The following EFNA2 variants were observed in gnomAD, a reference collection of about 807,000 sequenced individuals.
EFNA2 encodes ephrin-A2.
In EFNA2, 18 loss-of-function variants were observed where a neutral mutation model predicts 19.7. The observed-to-expected ratio is 0.91, with a 90% CI of 0.63 to 1.35. EFNA2 has a LOEUF of 1.35. EFNA2 is among the 40% of genes most tolerant of loss of function. EFNA2 has a pLI of 0.00. For synonymous variants in EFNA2, 187 were observed against 137.8 expected, an observed-to-expected ratio of 1.36 and a Z score of -2.50; for missense variants, 303 against 296.0, an observed-to-expected ratio of 1.02 and a Z score of -0.17.
chr19:1,288,970 G>T (rs1455781925), intron 1 of EFNA2, among the ~76,000 whole-genome samples: 1 of 152,168 alleles, frequency 6.6e-6, no homozygotes, highest in Non-Finnish European at 1.5e-5. Context: ...CACCTGTCCT[G>T]TTGGACCTGG....
In EFNA2 at chr19:1,295,487, C is replaced by G. The variant is rs927783097; in HGVS notation, c.141-58C>G. 10 of 1,456,080 alleles carry G rather than the reference C, an allele frequency of 6.9e-6. No homozygotes were observed. The African/African-American group carries it at 1.3e-4, about 19-fold the overall frequency. 90.2% of individuals were successfully genotyped at this position (1,456,080 alleles called of 1,614,324 possible). A position where few individuals can be genotyped will look rare whatever the true frequency, so the allele number is the denominator to read the frequency against. ...TGACCCTGGCCCTCCCCGCGCACCC[C>G]GACCCGTGCCCCGTTCCTCGCTCCG... On this transcript the variant is annotated intron_variant, in intron 1 of 3. Transcript: ENST00000215368. This position sits in a 1 kb window ranked among gnomAD's most constrained non-coding sequence, Gnocchi z 5.8.
chr19:1,290,777 C>T (rs970628593), intron 1 of EFNA2, among the ~76,000 whole-genome samples: 24 of 152,276 alleles, frequency 1.6e-4, no homozygotes, highest in Middle Eastern at 3.4e-3. Flanking sequence ...GAGCTGCTCC[C>T]GTCCCTGTGC....
rs1264692069 is a variant in EFNA2 at position 1,298,589 on chromosome 19, C to T, written c.493C>T (p.Arg165Ter). Residue 165 changes from arginine (R) to a stop codon, truncating the protein, a stop_gained, in exon 3 of 4, where the codon CGA becomes TGA. Coordinates refer to ENST00000215368, the MANE Select transcript of EFNA2 (RefSeq NM_001405.4). LOFTEE classifies it high-confidence loss of function. ...PPNAVDRPCL[R>*]LKVYVRPTNE... ...CAATGCTGTGGACCGGCCCTGCCTG[C>T]GACTGAAGGTGTACGTGCGGCCGAC... 8 of 1,613,892 alleles carry T rather than the reference C, an allele frequency of 5.0e-6. No individual in the cohort carries two copies. Among genetic ancestry groups the T allele is most frequent in the South Asian group, 1.1e-5 (1 of 91,072 alleles).
In EFNA2 at chr19:1,287,315, C is replaced by T. The variant is rs985876146; in HGVS notation, c.140+1007C>T. On this transcript the variant is annotated intron_variant, in intron 1 of 3. Transcript: ENST00000215368. The surrounding 1 kb of genome is among the most constrained non-coding windows in gnomAD (Gnocchi z 6.2). ...GTCCTGGGGCTCGGGAGGGAGTCAG[C>T]CCCAGCACTCAGGGTGTCACCGTCT... Among the ~76,000 whole-genome samples, 8 of 152,106 alleles carry T rather than the reference C, an allele frequency of 5.3e-5. No homozygotes were observed. The highest frequency in any genetic ancestry group is 5.2e-4 in the Admixed American group (8 of 15,274).
In EFNA2 at chr19:1,295,436, G is replaced by A; in HGVS notation, c.141-109G>A. 1 of 1,162,300 alleles carries A rather than the reference G, an allele frequency of 8.6e-7. No homozygotes were observed. The highest frequency in any genetic ancestry group is 1.1e-6 in the Non-Finnish European group (1 of 879,316). The allele number at this position is 1,162,300 out of a possible 1,614,324, so 72.0% of individuals were successfully genotyped here. On this transcript the variant is annotated intron_variant, in intron 1 of 3. Transcript: ENST00000215368. This position sits in a 1 kb window ranked among gnomAD's most constrained non-coding sequence, Gnocchi z 5.8. ...GACCCCGGCCCTCGCCGCGCACCCCGACCCGTCCCTCGTGCTCCTGTCCCC... is the reference window on the plus strand; with the variant it reads ...GACCCCGGCCCTCGCCGCGCACCCCAACCCGTCCCTCGTGCTCCTGTCCCC...
chr19:1,295,725 C>G lies in EFNA2; in HGVS notation c.321C>G (p.Arg107=). Residue 107 remains arginine (R), a synonymous_variant, in exon 2 of 4, where the codon CGC becomes CGG. Coordinates refer to ENST00000215368, the MANE Select transcript of EFNA2 (RefSeq NM_001405.4). The surrounding 1 kb of genome is among the most constrained non-coding windows in gnomAD (Gnocchi z 5.8). ...EGHASCDHRQ[R]GFKRWECNRP... ...ACGCCTCCTGCGACCACCGCCAGCG[C>G]GGCTTCAAGCGCTGGGAGTGCAACC... 6.2e-7 allele frequency: 1 copy of G among 1,608,388 alleles called. No homozygotes were observed. The highest frequency in any genetic ancestry group is 8.5e-7 in the Non-Finnish European group (1 of 1,177,868).
In EFNA2 at chr19:1,295,841, A is replaced by G; in HGVS notation, c.437A>G (p.His146Arg). The G allele has an allele frequency of 6.2e-7, 1 of 1,604,708 alleles. No homozygotes were observed. The part of the protein sequence containing the change: ...FSLGFEFRPG[H>R]EYYYISATPP... ...CTGGGCTTCGAGTTCCGGCCCGGCC[A>G]CGAGTATTACTACATCTGTGAGTGG... The change falls in exon 2 of 4, where the codon CAC (histidine) becomes CGC (arginine). Residue 146 changes from histidine (H) to arginine (R), a missense_variant. By Grantham distance (29) the His-to-Arg change is conservative. Coordinates refer to ENST00000215368, the MANE Select transcript of EFNA2 (RefSeq NM_001405.4). This position sits in a 1 kb window ranked among gnomAD's most constrained non-coding sequence, Gnocchi z 5.8.
chr19:1,285,822 G>A (rs544722630), upstream of EFNA2, among the ~76,000 whole-genome samples: 749 of 148,154 alleles, frequency 5.1e-3, 9 homozygotes, highest in Non-Finnish European at 4.4e-3. The surrounding 1 kb of genome is among the most constrained non-coding windows in gnomAD (Gnocchi z 4.1). Flanking sequence ...GCCGGGGCAC[G>A]GCGGGAGGGG....
intron 1 of EFNA2, among the ~76,000 whole-genome samples, chr19:1,288,175 G>A (rs1238655028): frequency 6.6e-6 from 1 of 152,268 alleles, no homozygotes; most frequent in Non-Finnish European, 1.5e-5. Flanking sequence ...ACACCCTGCA[G>A]TGGGGCCCAG....
At chr19:1,290,253 C>T (rs1174991178) in intron 1 of EFNA2, among the ~76,000 whole-genome samples, 2 of 152,138 alleles carry the variant, frequency 1.3e-5, no homozygotes, top group African/African-American at 4.8e-5. Flanking sequence ...GAGGATGCTT[C>T]TGCCGAGGCA....
chr19:1,287,980 G>A lies in EFNA2; in HGVS notation c.140+1672G>A, dbSNP rs1053475841. Among the ~76,000 whole-genome samples, 1 of 152,272 alleles carries A rather than the reference G, an allele frequency of 6.6e-6. No individual in the cohort carries two copies. The highest frequency in any genetic ancestry group is 2.4e-5 in the African/African-American group (1 of 41,476). On this transcript the variant is annotated intron_variant, in intron 1 of 3. Transcript: ENST00000215368. This position sits in a 1 kb window ranked among gnomAD's most constrained non-coding sequence, Gnocchi z 6.2. ...GACCCCCGGCCAGGGGAAGGAAGTG[G>A]CCTCCCCAGTGCCTGGCTTGGCCCA...
In EFNA2 at chr19:1,299,963, G is replaced by T. The variant is rs766063913; in HGVS notation, c.*18G>T. The T allele has an allele frequency of 3.2e-6, 5 of 1,583,764 alleles. No homozygotes were observed. The highest frequency in any genetic ancestry group is 2.2e-5 in the South Asian group (2 of 89,100). On this transcript the variant is annotated 3_prime_UTR_variant, in exon 4 of 4. Coordinates refer to ENST00000215368, the MANE Select transcript of EFNA2 (RefSeq NM_001405.4). ...GTTCCTAGTCCCAGCCCCGCAGGAC[G>T]CCGACCCTGCCTGGACGGCCCCGCC...
intron 1 of EFNA2, among the ~76,000 whole-genome samples, chr19:1,291,615 C>T (rs1401232948): frequency 1.3e-5 from 2 of 152,182 alleles, no homozygotes; most frequent in African/African-American, 2.4e-5. Context: ...GAGATGCAGA[C>T]GGGTGCAGGC....
Position 1,287,128 on chromosome 19 carries a change from G to C in EFNA2, c.140+820G>C, listed in dbSNP as rs1452064781. On this transcript the variant is annotated intron_variant, in intron 1 of 3. Transcript: ENST00000215368. The surrounding 1 kb of genome is among the most constrained non-coding windows in gnomAD (Gnocchi z 6.2). ...GAACCAGGTCCGGGCCAGGCACAAC[G>C]TGGGGGACAGGAGAAGCCCCCGTTG... Among the ~76,000 whole-genome samples, 4 of 152,238 alleles carry C rather than the reference G, an allele frequency of 2.6e-5. No homozygotes were observed. Among genetic ancestry groups the C allele is most frequent in the Non-Finnish European group, 4.4e-5 (3 of 68,040 alleles).
chr19:1,290,022 G>A (rs2144614505), intron 1 of EFNA2, among the ~76,000 whole-genome samples: 1 of 152,086 alleles, frequency 6.6e-6, no homozygotes, highest in Non-Finnish European at 1.5e-5. Context: ...GGGGTACCTG[G>A]ACTCAGACTC....
In EFNA2 at chr19:1,295,965, G is replaced by A; in HGVS notation, c.454+107G>A. The A allele has an allele frequency of 2.4e-6, 2 of 846,818 alleles. No homozygotes were observed. Among genetic ancestry groups the A allele is most frequent in the Non-Finnish European group, 3.2e-6 (2 of 633,794 alleles). The allele number at this position is 846,818 out of a possible 1,614,324, so 52.5% of individuals were successfully genotyped here. A position where few individuals can be genotyped will look rare whatever the true frequency, so the allele number is the denominator to read the frequency against. On this transcript the variant is annotated intron_variant, in intron 2 of 3. Transcript: ENST00000215368. This position sits in a 1 kb window ranked among gnomAD's most constrained non-coding sequence, Gnocchi z 5.8. ...GGGGTGGGGCCGGGGAGTGGGCGGG[G>A]CAGCGCAGTGGGCGGGGCCGCGGTG...
At chr19:1,285,145 C>T (rs1304243821), upstream of EFNA2, among the ~76,000 whole-genome samples, 3 of 152,188 alleles carry the variant, frequency 2.0e-5, no homozygotes, top group African/African-American at 7.2e-5. The surrounding 1 kb of genome is among the most constrained non-coding windows in gnomAD (Gnocchi z 4.1). Flanking sequence ...GTCAGCCTAC[C>T]AGGAGGAGAA....
chr19:1,300,519 C>A lies in EFNA2; in HGVS notation c.*574C>A, dbSNP rs1191734944. Reference sequence around the variant, plus strand: ...CCGCTCCCCTCTGCTCTGCACCCCACTCGTGGGGGAACACAGCCGCTCCCC... The same window carrying A: ...CCGCTCCCCTCTGCTCTGCACCCCAATCGTGGGGGAACACAGCCGCTCCCC... On this transcript the variant is annotated 3_prime_UTR_variant, in exon 4 of 4. Coordinates refer to ENST00000215368, the MANE Select transcript of EFNA2 (RefSeq NM_001405.4). Among the ~76,000 whole-genome samples, 1 of 150,090 alleles carries A rather than the reference C, an allele frequency of 6.7e-6. No homozygotes were observed. The highest frequency in any genetic ancestry group is 2.4e-5 in the African/African-American group (1 of 40,878).
rs1350149010 is a variant in EFNA2 at position 1,286,165 on chromosome 19, G to C, written c.-4G>C. On this transcript the variant is annotated 5_prime_UTR_variant, in exon 1 of 4. Coordinates refer to ENST00000215368, the MANE Select transcript of EFNA2 (RefSeq NM_001405.4). This position sits in a 1 kb window ranked among gnomAD's most constrained non-coding sequence, Gnocchi z 5.6. ...AGAGCGAGCGCGGCGGCCGGACCGG[G>C]GCCATGGCGCCCGCGCAGCGCCCGC... The C allele has an allele frequency of 1.0e-6, 1 of 981,722 alleles. No individual in the cohort carries two copies. The highest frequency in any genetic ancestry group is 1.2e-6 in the Non-Finnish European group (1 of 822,872). 60.8% of individuals were successfully genotyped at this position (981,722 alleles called of 1,614,324 possible).
Sources: allele counts gnomAD v4.1 joint callset (sites outside exome capture counted in the v4.1 genomes callset), GRCh38; gene constraint gnomAD v4.1.1; non-coding constraint Gnocchi (gnomAD v3.1); transcripts MANE v1.5; gene names NCBI Gene and HGNC (gene_info 2026-07-23, HGNC 2026-07-21).